The following PARD6B variants were observed in gnomAD, a reference collection of about 807,000 sequenced individuals.
PARD6B encodes the protein par-6 family cell polarity regulator beta.
PARD6B carries 4 observed loss-of-function variants against 10.5 expected under a neutral mutation model. The observed-to-expected ratio is 0.38, with a 90% CI of 0.19 to 0.87. The LOEUF (loss-of-function observed/expected upper bound fraction) is 0.87. Among genes scored for constraint, PARD6B ranks in the 40% least tolerant of loss-of-function variants. The pLI is 0.41. For missense variants in PARD6B, 396 were observed against 470.6 expected (o/e 0.84, Z 1.47); for synonymous variants, 169 against 170.4 (o/e 0.99, Z 0.07).
In PARD6B at chr20:50,750,369, T is replaced by C. The variant is rs558659792; in HGVS notation, c.1000T>C (p.Phe334Leu). 7 of 1,614,096 alleles carry C rather than the reference T, an allele frequency of 4.3e-6. No individual in the cohort carries two copies. Among genetic ancestry groups the C allele is most frequent in the Admixed American group, 1.7e-5 (1 of 60,008 alleles). ...ELSFESGQNG[F>L]IPSNEVSLAA... is the part of the protein sequence containing the mutation. ...AAGCTTTGAGTCTGGACAGAATGGC[T>C]TTATTCCCTCTAATGAAGTGAGCTT... The change falls in exon 3 of 3, where the codon TTT (phenylalanine) becomes CTT (leucine). Residue 334 changes from phenylalanine to leucine, a missense_variant. Coordinates refer to ENST00000371610, the MANE Select transcript of PARD6B (RefSeq NM_032521.3).
At position 50,753,075 on chromosome 20, in the gene PARD6B, CTT is replaced by C. The variant is rs781547758; in HGVS notation, c.*2597_*2598del. The C allele has an allele frequency of 1.3e-3, 944 of 751,432 alleles. 13 individuals carry two copies. The African/African-American group carries it at 0.015, about 12-fold the overall frequency. 46.5% of individuals were successfully genotyped at this position (751,432 alleles called of 1,614,324 possible). ...AAATATTTTTACACACTACCTCTCT[CTT>C]TTTTTTTTTAAAGTTTTAACATCAG... On this transcript the variant is annotated 3_prime_UTR_variant, in exon 3 of 3. Transcript: ENST00000371610.
Position 50,731,681 on chromosome 20 carries a change from G to T in PARD6B, c.-106G>T, listed in dbSNP as rs1333985452. The T allele has an allele frequency of 2.8e-6, 3 of 1,059,752 alleles. No homozygotes were observed. Among genetic ancestry groups the T allele is most frequent in the African/African-American group, 3.4e-5 (2 of 59,398 alleles). 65.6% of individuals were successfully genotyped at this position (1,059,752 alleles called of 1,614,324 possible). ...CCTCTGCAGGTGCCTGTGAGGAGGC[G>T]CCCGGGCCGCAACCGCTTTCCGAGA... On this transcript the variant is annotated 5_prime_UTR_variant, in exon 1 of 3. Transcript: ENST00000371610.
intron 1 of PARD6B, among the ~76,000 whole-genome samples, chr20:50,736,477 C>T (rs1453891074): frequency 6.6e-6 from 1 of 152,186 alleles, no homozygotes; most frequent in Non-Finnish European, 1.5e-5. Context: ...TAAAAACCAA[C>T]ATAGGGCTTA....
In PARD6B at chr20:50,749,816, T is replaced by A; in HGVS notation, c.447T>A (p.Asp149Glu). ...CTGTGTCTTCTATTATAGACGTGGA[T>A]ATTCTCCCAGAAACGCATCGTAGGG... Reference protein sequence around the residue: ...FRPVSSIIDVDILPETHRRVR... With the variant: ...FRPVSSIIDVEILPETHRRVR... The change falls in exon 3 of 3, where the codon GAT becomes GAA. Residue 149 changes from aspartate (D) to glutamate (E), a missense_variant. By Grantham distance (45) the Asp-to-Glu change is conservative. This residue lies in a region of PARD6B where 208 missense variants were observed against 300.9 expected (regional missense o/e 0.69). Transcript: ENST00000371610. The A allele has an allele frequency of 9.3e-6, 15 of 1,614,188 alleles. No individual in the cohort carries two copies. The highest frequency in any genetic ancestry group is 1.3e-5 in the Non-Finnish European group (15 of 1,180,038).
chr20:50,750,323 G>T lies in PARD6B; in HGVS notation c.954G>T (p.Glu318Asp). The T allele has an allele frequency of 6.2e-7, 1 of 1,614,234 alleles. No homozygotes were observed. Among genetic ancestry groups the T allele is most frequent in the Non-Finnish European group, 8.5e-7 (1 of 1,180,042 alleles). ...PKAVPNTESL[E>D]SLTQIELSFE... ...CTGTTCCTAATACTGAGAGCCTGGA[G>T]TCATTAACACAGATAGAGCTAAGCT... The change falls in exon 3 of 3, where the codon GAG (glutamate) becomes GAT (aspartate). Residue 318 changes from glutamate to aspartate, a missense_variant. Physicochemically the swap from Glu to Asp is conservative, Grantham distance 45 (BLOSUM62 2). This residue lies in a region of PARD6B where 188 missense variants were observed against 169.7 expected (regional missense o/e 1.11). Coordinates refer to ENST00000371610, the MANE Select transcript of PARD6B (RefSeq NM_032521.3).
intron 2 of PARD6B, 32 bp downstream of exon 2, chr20:50,738,111 GA>G: frequency 6.8e-7 from 1 of 1,468,832 alleles, no homozygotes; most frequent in South Asian, 1.3e-5. Context: ...AATTGTGTTA[GA>G]AATAGAAATA....
intron 1 of PARD6B, among the ~76,000 whole-genome samples, chr20:50,735,319 A>C (rs1439752467): frequency 1.3e-5 from 2 of 152,190 alleles, no homozygotes; most frequent in African/African-American, 4.8e-5. Context: ...TTATCTTCCT[A>C]ATTGTATCTC....
intron 2 of PARD6B, among the ~76,000 whole-genome samples, chr20:50,742,045 A>G (rs2087533549): frequency 1.3e-5 from 2 of 152,074 alleles, no homozygotes; most frequent in South Asian, 4.2e-4. Context: ...GTTACACTTA[A>G]TATGTACTGG....
intron 1 of PARD6B, among the ~76,000 whole-genome samples, chr20:50,732,084 A>T (rs1286860462): frequency 6.6e-6 from 1 of 152,250 alleles, no homozygotes; most frequent in Admixed American, 6.5e-5. Flanking sequence ...TCCAGCATTT[A>T]ATCTCATTCC....
chr20:50,752,174 C>T lies in PARD6B; in HGVS notation c.*1686C>T. On this transcript the variant is annotated 3_prime_UTR_variant, in exon 3 of 3. Coordinates refer to ENST00000371610, the MANE Select transcript of PARD6B (RefSeq NM_032521.3). ...CTCTCCTTTAACCTATTCTTGTTCC[C>T]ATTCCCAGTCTCATTTGAAATCATT... 1.0e-6 allele frequency: 1 copy of T among 985,600 alleles called. No homozygotes were observed. The highest frequency in any genetic ancestry group is 1.7e-5 in the African/African-American group (1 of 57,314). 61.1% of individuals were successfully genotyped at this position (985,600 alleles called of 1,614,324 possible). A position where few individuals can be genotyped will look rare whatever the true frequency, so the allele number is the denominator to read the frequency against.
intron 1 of PARD6B, among the ~76,000 whole-genome samples, chr20:50,735,099 G>A (rs1402937762): frequency 3.9e-5 from 6 of 152,108 alleles, no homozygotes; most frequent in East Asian, 1.9e-4. Flanking sequence ...GCAGTGAGCC[G>A]AGATTGCGCC....
chr20:50,748,501 A>G (rs2087581716), intron 2 of PARD6B, among the ~76,000 whole-genome samples: 1 of 152,244 alleles, frequency 6.6e-6, no homozygotes, highest in African/African-American at 2.4e-5. Flanking sequence ...CTTGAGAATC[A>G]AATATCCCAC....
chr20:50,740,730 T>C (rs981825761), intron 2 of PARD6B, among the ~76,000 whole-genome samples: 17 of 152,192 alleles, frequency 1.1e-4, no homozygotes, highest in African/African-American at 3.9e-4. Flanking sequence ...TCAACAGAAA[T>C]ATTTTAGATT....
At chr20:50,734,409 C>A (rs115049962) in intron 1 of PARD6B, among the ~76,000 whole-genome samples, 2,521 of 152,064 alleles carry the variant, frequency 0.017, 88 homozygotes, top group African/African-American at 0.058. Context: ...TACAATGGCA[C>A]GATCACGGCT....
At chr20:50,743,033 A>G (rs1465005944) in intron 2 of PARD6B, among the ~76,000 whole-genome samples, 1 of 152,218 alleles carries the variant, frequency 6.6e-6, no homozygotes, top group Non-Finnish European at 1.5e-5. Flanking sequence ...AAGAGAAGGT[A>G]CAGAATAGAC....
chr20:50,731,791 A>G lies in PARD6B; in HGVS notation c.5A>G (p.Asn2Ser). The change falls in exon 1 of 3, where the codon AAC (asparagine) becomes AGC (serine). Residue 2 changes from asparagine to serine, a missense_variant. Physicochemically the swap from Asn to Ser is conservative, Grantham distance 46. Coordinates refer to ENST00000371610, the MANE Select transcript of PARD6B (RefSeq NM_032521.3). ...TCGCGGGGCTCGGCGTTCAGCATGA[A>G]CCGCAGCCACCGGCACGGGGCGGGC... M[N>S]RSHRHGAGSG... 1 of 1,461,812 alleles carries G rather than the reference A, an allele frequency of 6.8e-7. No homozygotes were observed. The highest frequency in any genetic ancestry group is 1.3e-5 in the South Asian group (1 of 76,142). The allele number at this position is 1,461,812 out of a possible 1,614,324, so 90.6% of individuals were successfully genotyped here.
chr20:50,741,703 G>A (rs780643315), intron 2 of PARD6B, among the ~76,000 whole-genome samples: 14 of 151,872 alleles, frequency 9.2e-5, no homozygotes, highest in African/African-American at 2.2e-4. Context: ...CAACACACCC[G>A]GCTAATTTTT....
At position 50,749,891 on chromosome 20, in the gene PARD6B, G is replaced by C. The variant is rs770529462; in HGVS notation, c.522G>C (p.Arg174=). 1.2e-6 allele frequency: 2 copies of C among 1,614,048 alleles called. No individual in the cohort carries two copies. Among genetic ancestry groups the C allele is most frequent in the African/African-American group, 1.3e-5 (1 of 74,916 alleles). ...GTEKPLGFYI[R]DGSSVRVTPH... ...AGAAACCCCTAGGATTCTACATCCG[G>C]GATGGCTCCAGTGTCAGGGTAACAC... Residue 174 remains arginine (R), a synonymous_variant, in exon 3 of 3, where the codon CGG becomes CGC. Transcript: ENST00000371610.
chr20:50,748,339 G>A (rs974247111), intron 2 of PARD6B, among the ~76,000 whole-genome samples: 3 of 152,208 alleles, frequency 2.0e-5, no homozygotes, highest in Non-Finnish European at 4.4e-5. Flanking sequence ...GCGAGACTCC[G>A]TCTCAAACAA....
Sources: allele counts gnomAD v4.1 joint callset (sites outside exome capture counted in the v4.1 genomes callset), GRCh38; gene constraint gnomAD v4.1.1; regional missense constraint gnomAD v4.1.1; transcripts MANE v1.5; gene names NCBI Gene and HGNC (gene_info 2026-07-23, HGNC 2026-07-21).